ARB2A: variants seen among roughly 807,000 people sequenced by gnomAD.
The protein encoded by ARB2A is ARB2 cotranscriptional regulator A, also known as cotranscriptional regulator ARB2A.
At chr5:93,761,339 A>T in the ARB2A span, among the ~76,000 whole-genome samples, 3 of 152,178 alleles carry the variant, frequency 2.0e-5, no homozygotes, top group Non-Finnish European at 4.4e-5. Context: ...GCACCTGGAA[A>T]ATCGGGTCAC....
the ARB2A span, among the ~76,000 whole-genome samples, chr5:93,741,857 TC>T: frequency 6.6e-6 from 1 of 152,006 alleles, no homozygotes; most frequent in East Asian, 1.9e-4. Context: ...ACTGCCTCCA[TC>T]CCCTGCCTGA....
At chr5:93,812,127 T>C in the ARB2A span, among the ~76,000 whole-genome samples, 1 of 152,134 alleles carries the variant, frequency 6.6e-6, no homozygotes, top group Admixed American at 6.6e-5. Context: ...ACTAAAGATA[T>C]CTAATATATT....
At chr5:93,663,699 G>A in the ARB2A span, among the ~76,000 whole-genome samples, 1 of 152,160 alleles carries the variant, frequency 6.6e-6, no homozygotes, top group Non-Finnish European at 1.5e-5. Context: ...AGCAAAGGAA[G>A]GAAGATCATC....
At chr5:93,750,064 T>C in the ARB2A span, among the ~76,000 whole-genome samples, 4 of 152,320 alleles carry the variant, frequency 2.6e-5, no homozygotes, top group African/African-American at 9.6e-5. Context: ...ATACTCTTTA[T>C]ACCCTTGGAG....
the ARB2A span, among the ~76,000 whole-genome samples, chr5:93,921,049 T>C: frequency 8.8e-4 from 132 of 150,450 alleles, no homozygotes; most frequent in African/African-American, 3.1e-3. Flanking sequence ...AAAAAAGTCA[T>C]GACATTACAA....
the ARB2A span, among the ~76,000 whole-genome samples, chr5:94,060,901 C>T: frequency 6.6e-6 from 1 of 152,098 alleles, no homozygotes; most frequent in Admixed American, 6.5e-5. Flanking sequence ...AAAAAAAATA[C>T]ATGACCCTAT....
the ARB2A span, among the ~76,000 whole-genome samples, chr5:93,819,884 A>G: frequency 6.6e-6 from 1 of 152,236 alleles, no homozygotes; most frequent in African/African-American, 2.4e-5. Context: ...GAACAATGGC[A>G]GGAAAATAGA....
At chr5:93,989,401 A>G in the ARB2A span, among the ~76,000 whole-genome samples, 1 of 152,132 alleles carries the variant, frequency 6.6e-6, no homozygotes, top group Admixed American at 6.5e-5. Flanking sequence ...TTATGCCTCC[A>G]TTTATAATTA....
chr5:94,001,292 T>C, the ARB2A span, among the ~76,000 whole-genome samples: 1 of 152,102 alleles, frequency 6.6e-6, no homozygotes, highest in Non-Finnish European at 1.5e-5. Context: ...GGTATATCTA[T>C]TTATTTAGTT....
the ARB2A span, among the ~76,000 whole-genome samples, chr5:93,638,463 C>A: frequency 6.6e-6 from 1 of 152,048 alleles, no homozygotes; most frequent in African/African-American, 2.4e-5. Flanking sequence ...TTTAATACTG[C>A]GTATTTGTTG....
At chr5:93,648,181 TATTTTA>T in the ARB2A span, among the ~76,000 whole-genome samples, 1 of 151,882 alleles carries the variant, frequency 6.6e-6, no homozygotes, top group Non-Finnish European at 1.5e-5. Flanking sequence ...AATTATTTCT[TATTTTA>T]ATTTAATTTT....
At chr5:93,829,012 G>A in the ARB2A span, among the ~76,000 whole-genome samples, 7 of 152,150 alleles carry the variant, frequency 4.6e-5, no homozygotes, top group East Asian at 1.4e-3. Context: ...CCTGACCTTA[G>A]GTGATTTGCC....
chr5:93,803,629 T>G, the ARB2A span, among the ~76,000 whole-genome samples: 1 of 151,022 alleles, frequency 6.6e-6, no homozygotes, highest in South Asian at 2.1e-4. Context: ...TAAGACCTTG[T>G]GATGAAATCA....
At chr5:93,779,128 C>T in the ARB2A span, among the ~76,000 whole-genome samples, 14,793 of 121,448 alleles carry the variant, frequency 0.12, 803 homozygotes, top group Middle Eastern at 0.19. Flanking sequence ...TGTGTGTGCG[C>T]GCGCGCGCGC....
chr5:93,854,387 T>C, the ARB2A span, among the ~76,000 whole-genome samples: 4 of 152,200 alleles, frequency 2.6e-5, no homozygotes, highest in Admixed American at 2.0e-4. Flanking sequence ...ATCAATTTTG[T>C]TGATCCTTCA....
chr5:93,946,796 A>T, the ARB2A span, among the ~76,000 whole-genome samples: 1 of 152,120 alleles, frequency 6.6e-6, no homozygotes, highest in African/African-American at 2.4e-5. Context: ...GTTTTATTCT[A>T]ATATATTTAA....
At chr5:93,816,456 T>C in the ARB2A span, among the ~76,000 whole-genome samples, 1 of 152,162 alleles carries the variant, frequency 6.6e-6, no homozygotes, top group Non-Finnish European at 1.5e-5. Flanking sequence ...GTCAATTCCT[T>C]TGAGTTCCCC....
the ARB2A span, among the ~76,000 whole-genome samples, chr5:93,950,658 A>G: frequency 1.3e-5 from 2 of 151,284 alleles, no homozygotes; most frequent in Non-Finnish European, 2.9e-5. Flanking sequence ...TAAAACAAAT[A>G]AAATAGGCCA....
chr5:93,762,395 G>A, the ARB2A span, among the ~76,000 whole-genome samples: 2 of 152,330 alleles, frequency 1.3e-5, no homozygotes, highest in Admixed American at 6.5e-5. Context: ...TGAGAACTAC[G>A]TGACGAATGC....
Sources: allele counts gnomAD v4.1 joint callset (sites outside exome capture counted in the v4.1 genomes callset), GRCh38; gene constraint gnomAD v4.1.1; transcripts MANE v1.5; gene names NCBI Gene and HGNC (gene_info 2026-07-23, HGNC 2026-07-21).